Variants in EYA2 observed in about 807,000 individuals in gnomAD.
The protein encoded by EYA2 is EYA transcriptional coactivator and phosphatase 2, also known as protein phosphatase EYA2.
EYA2 carries 31 observed loss-of-function variants against 69.2 expected under a neutral mutation model. The observed-to-expected ratio is 0.45, with a 90% confidence interval of 0.34 to 0.60. The LOEUF (loss-of-function observed/expected upper bound fraction) is 0.60. EYA2 is among the 20% of genes least tolerant of loss of function. EYA2 has a pLI of 0.02. For synonymous variants in EYA2, 257 were observed against 279.4 expected, an observed-to-expected ratio of 0.92 and a Z score of 0.80; for missense variants, 622 against 701.2, an observed-to-expected ratio of 0.89 and a Z score of 1.28.
chr20:46,970,529 G>A (rs1374890307), intron 1 of EYA2, among the ~76,000 whole-genome samples: 6 of 152,122 alleles, frequency 3.9e-5, no homozygotes, highest in African/African-American at 1.4e-4. Flanking sequence ...CCTCAATAGT[G>A]CCAAGGCTGA....
intron 1 of EYA2, among the ~76,000 whole-genome samples, chr20:46,939,685 G>A (rs1986073744): frequency 6.6e-6 from 1 of 152,170 alleles, no homozygotes; most frequent in Non-Finnish European, 1.5e-5. Context: ...TGAGGAAGCA[G>A]GACTGATATT....
chr20:47,159,176 G>A (rs1354003541), intron 10 of EYA2, among the ~76,000 whole-genome samples: 1 of 151,938 alleles, frequency 6.6e-6, no homozygotes, highest in Non-Finnish European at 1.5e-5. Flanking sequence ...TAGTAACTTC[G>A]GAGTGGAGAA....
intron 5 of EYA2, among the ~76,000 whole-genome samples, chr20:47,034,273 AATTT>A (rs1177635321): frequency 6.6e-6 from 1 of 152,226 alleles, no homozygotes; most frequent in African/African-American, 2.4e-5. Flanking sequence ...TTCTCAGACA[AATTT>A]ATTTAAGTAA....
At chr20:47,056,151 T>C (rs914125014) in intron 5 of EYA2, among the ~76,000 whole-genome samples, 4 of 152,208 alleles carry the variant, frequency 2.6e-5, no homozygotes, top group African/African-American at 9.7e-5. Flanking sequence ...TAAACACAGA[T>C]GTGGGCTAGA....
intron 10 of EYA2, among the ~76,000 whole-genome samples, chr20:47,144,735 G>A (rs1344486398): frequency 6.6e-6 from 1 of 152,168 alleles, no homozygotes; most frequent in Non-Finnish European, 1.5e-5. Context: ...GCAGAACTAG[G>A]TAGAAACTTG....
At chr20:47,024,712 G>A (rs1030319799) in intron 5 of EYA2, among the ~76,000 whole-genome samples, 2 of 152,204 alleles carry the variant, frequency 1.3e-5, no homozygotes, top group Non-Finnish European at 2.9e-5. Context: ...CTATCCTGGG[G>A]CAATCATACA....
At chr20:46,977,280 T>C (rs1980522148) in intron 1 of EYA2, among the ~76,000 whole-genome samples, 1 of 152,220 alleles carries the variant, frequency 6.6e-6, no homozygotes, top group South Asian at 2.1e-4. Flanking sequence ...TAAAATGTAT[T>C]TACAAATATT....
rs2034701151 is a variant in EYA2, at chr20:47,188,787, G to T, written c.*654G>T. 6.3e-6 allele frequency: 1 copy of T among 159,866 alleles called. No individual in the cohort carries two copies. The highest frequency in any genetic ancestry group is 2.4e-5 in the African/African-American group (1 of 41,746). The allele number at this position is 159,866 out of a possible 1,614,324, so 9.9% of individuals were successfully genotyped here. On this transcript the variant is annotated 3_prime_UTR_variant, in exon 16 of 16. Transcript: ENST00000327619. ...CTAGGAAGAGGGGGATGCTGGGAAG[G>T]AATGGGTGCTTTGTGATGGATAAAA...
intron 10 of EYA2, among the ~76,000 whole-genome samples, chr20:47,146,611 G>A (rs1418922536): frequency 6.6e-6 from 1 of 152,226 alleles, no homozygotes; most frequent in African/African-American, 2.4e-5. Context: ...CCACACAAGT[G>A]AAAACATATT....
chr20:46,929,157 A>G (rs1171452516), intron 1 of EYA2, among the ~76,000 whole-genome samples: 4 of 150,554 alleles, frequency 2.7e-5, no homozygotes, highest in African/African-American at 4.9e-5. Context: ...TTGTGCAAAA[A>G]AAAAAAAAAA....
chr20:46,940,700 G>A (rs544503315), intron 1 of EYA2, among the ~76,000 whole-genome samples: 7 of 152,282 alleles, frequency 4.6e-5, no homozygotes, highest in Admixed American at 4.6e-4. Context: ...ACAGCGCTCC[G>A]GGAGGGAAGG....
chr20:47,163,400 AT>A (rs2034111482), intron 10 of EYA2, among the ~76,000 whole-genome samples: 1 of 152,114 alleles, frequency 6.6e-6, no homozygotes, highest in South Asian at 2.1e-4. Flanking sequence ...ATGTGCTAGC[AT>A]AAAAATTCAC....
At position 46,920,352 on chromosome 20, in the gene EYA2, C is replaced by T. The variant is rs376872475; in HGVS notation, c.-11+25365C>T. The stretch of plus-strand genomic sequence containing the variant: ...GCCCACGATATCTCCAAGGTGTGCC[C>T]GTATACTGTTCCAATTTAAAAAATG... On this transcript the variant is annotated intron_variant, in intron 1 of 15. Transcript: ENST00000327619. Among the ~76,000 whole-genome samples, 4 of 151,956 alleles carry T rather than the reference C, an allele frequency of 2.6e-5. No individual in the cohort carries two copies. The South Asian group carries it at 6.2e-4, about 24-fold the overall frequency.
intron 1 of EYA2, among the ~76,000 whole-genome samples, chr20:46,983,567 C>A (rs1191779159): frequency 6.6e-6 from 1 of 152,188 alleles, no homozygotes; most frequent in Non-Finnish European, 1.5e-5. Flanking sequence ...TAATTTCTTG[C>A]CTTTATAGCT....
chr20:47,151,286 G>A lies in EYA2; in HGVS notation c.978+8138G>A, dbSNP rs1175516335. On this transcript the variant is annotated intron_variant, in intron 10 of 15. Transcript: ENST00000327619. ...CTCGGTAGGCTGAGGCAGGAGAATCGCTTGAAACCAGGAGGCAGAGGTTGC... is the reference window on the plus strand; with the variant it reads ...CTCGGTAGGCTGAGGCAGGAGAATCACTTGAAACCAGGAGGCAGAGGTTGC... Among the ~76,000 whole-genome samples the A allele has an allele frequency of 3.3e-5, 5 of 151,616 alleles. 1 individual carries two copies. The East Asian group carries it at 6.0e-4, about 18-fold the overall frequency.
chr20:46,984,242 T>A (rs1335930984), intron 1 of EYA2, among the ~76,000 whole-genome samples: 1 of 152,012 alleles, frequency 6.6e-6, no homozygotes, highest in East Asian at 1.9e-4. Flanking sequence ...ATTAGGTAAA[T>A]ATGTAAGGAT....
At chr20:46,931,232 A>G (rs548781491) in intron 1 of EYA2, among the ~76,000 whole-genome samples, 1 of 152,362 alleles carries the variant, frequency 6.6e-6, no homozygotes, top group African/African-American at 2.4e-5. Context: ...CGTGTTTTCA[A>G]TACTGAATTT....
intron 11 of EYA2, among the ~76,000 whole-genome samples, chr20:47,171,323 C>T (rs1178094332): frequency 6.6e-6 from 1 of 152,200 alleles, no homozygotes. Flanking sequence ...CTTATTCATT[C>T]AAGAAATATT....
At chr20:47,090,096 T>C (rs1452202633) in intron 8 of EYA2, among the ~76,000 whole-genome samples, 1 of 152,070 alleles carries the variant, frequency 6.6e-6, no homozygotes, top group Non-Finnish European at 1.5e-5. Context: ...AAACCTTCAT[T>C]ATCAAGTTGC....
Sources: gnomAD v4.1 joint callset for allele counts (sites outside exome capture counted in the v4.1 genomes callset) on GRCh38, gnomAD v4.1.1 for gene constraint, MANE v1.5 for transcripts, NCBI Gene and HGNC (gene_info 2026-07-23, HGNC 2026-07-21) for gene names.